FREM3: variants seen among roughly 807,000 people sequenced by gnomAD.
The protein encoded by FREM3 is FRAS1-related extracellular matrix protein 3.
A neutral mutation model predicts 129.1 loss-of-function variants in FREM3; 105 were observed. That is an observed-to-expected ratio of 0.81 (90% CI 0.69 to 0.96). The LOEUF (loss-of-function observed/expected upper bound fraction) is 0.96, where lower values mean the gene tolerates loss of function less well. Among genes scored for constraint, FREM3 ranks in the 40% least tolerant of loss-of-function variants. The probability of loss-of-function intolerance (pLI) is 0.00; values close to 1 mark genes in which losing one functional copy is unlikely to be tolerated. For synonymous variants in FREM3, 1,014 were observed against 1,044.9 expected (o/e 0.97, Z 0.57); for missense variants, 2,593 against 2,666.3 (o/e 0.97, Z 0.61).
intron 6 of FREM3, among the ~76,000 whole-genome samples, chr4:143,593,515 G>A (rs1244598298): frequency 6.6e-6 from 1 of 152,184 alleles, no homozygotes; most frequent in African/African-American, 2.4e-5. Flanking sequence ...GACCCTGTTT[G>A]CCTGGGTATC....
intron 6 of FREM3, among the ~76,000 whole-genome samples, chr4:143,609,133 A>G (rs1423625679): frequency 1.3e-5 from 2 of 152,152 alleles, no homozygotes; most frequent in Non-Finnish European, 2.9e-5. Flanking sequence ...GACCTAGCCA[A>G]GGTTACCCAG....
At chr4:143,586,792 C>G (rs1427806663) in intron 6 of FREM3, among the ~76,000 whole-genome samples, 1 of 152,192 alleles carries the variant, frequency 6.6e-6, no homozygotes. Flanking sequence ...TTAGCTGTAA[C>G]AATACCTACT....
chr4:143,679,972 A>G (rs1009362279), intron 2 of FREM3, among the ~76,000 whole-genome samples: 1 of 152,284 alleles, frequency 6.6e-6, no homozygotes, highest in Middle Eastern at 3.4e-3. Context: ...ATAAGCTAGA[A>G]TAATGTGGTT....
At chr4:143,603,972 C>G (rs1738622163) in intron 6 of FREM3, among the ~76,000 whole-genome samples, 1 of 152,110 alleles carries the variant, frequency 6.6e-6, no homozygotes, top group African/African-American at 2.4e-5. Flanking sequence ...AAATGTGATC[C>G]CCAGTGTTGG....
rs951123674 is a variant in FREM3, at chr4:143,695,560, T to C, written c.5116A>G (p.Arg1706Gly). Reference protein sequence around the residue: ...PHRLLKYKVTRGPEHGFIIKT... With the variant: ...PHRLLKYKVTGGPEHGFIIKT... Reference sequence around the variant, plus strand: ...ATAATGAAGCCATGCTCTGGTCCTCTGGTCACTTTATACTTCAGAAGCCTG... The same window carrying C: ...ATAATGAAGCCATGCTCTGGTCCTCCGGTCACTTTATACTTCAGAAGCCTG... The change falls in exon 1 of 8, where the codon AGA becomes GGA. Residue 1706 changes from arginine (R) to glycine (G), a missense_variant. Arg to Gly is a moderately radical substitution (Grantham distance 125). Coordinates refer to ENST00000329798, the MANE Select transcript of FREM3 (RefSeq NM_001168235.2). 3.9e-6 allele frequency: 6 copies of C among 1,537,340 alleles called. No individual in the cohort carries two copies. The highest frequency in any genetic ancestry group is 5.2e-6 in the Non-Finnish European group (6 of 1,146,960).
chr4:143,667,562 G>A lies in FREM3; in HGVS notation c.5275+25551C>T, dbSNP rs79832974. Among the ~76,000 whole-genome samples, 14 of 151,958 alleles carry A rather than the reference G, an allele frequency of 9.2e-5. No homozygotes were observed. The East Asian group carries it at 1.9e-3, about 21-fold the overall frequency. On this transcript the variant is annotated intron_variant, in intron 2 of 7. Coordinates refer to ENST00000329798, the MANE Select transcript of FREM3 (RefSeq NM_001168235.2). ...TCATTTTTTTTTCTCCCAGTTCCTT[G>A]CCAACTGGCACACATTCTGCTTTGT... is the stretch of plus-strand genomic sequence containing the variant.
intron 2 of FREM3, among the ~76,000 whole-genome samples, chr4:143,652,157 T>TTC (rs1739525065): frequency 2.9e-5 from 1 of 34,264 alleles, no homozygotes; most frequent in Admixed American, 3.3e-4. Context: ...TTTTTTTTTT[T>TTC]TTTTTTTTTT....
intron 2 of FREM3, among the ~76,000 whole-genome samples, chr4:143,656,340 C>T (rs902374103): frequency 6.6e-6 from 1 of 152,124 alleles, no homozygotes; most frequent in African/African-American, 2.4e-5. Flanking sequence ...AATTTATATG[C>T]ACACAGAAAC....
chr4:143,615,909 A>T (rs1738836628), intron 5 of FREM3, among the ~76,000 whole-genome samples: 1 of 152,156 alleles, frequency 6.6e-6, no homozygotes, highest in Non-Finnish European at 1.5e-5. Context: ...AGGGCACCTC[A>T]CAGAGCTGAC....
chr4:143,592,231 C>T (rs1198003413), intron 6 of FREM3, among the ~76,000 whole-genome samples: 1 of 152,112 alleles, frequency 6.6e-6, no homozygotes, highest in Non-Finnish European at 1.5e-5. Context: ...GAGCATTTAG[C>T]CCATTTACAT....
chr4:143,698,942 G>A lies in FREM3; in HGVS notation c.1734C>T (p.Thr578=), dbSNP rs2149865481. ...GCTGGTTCTCCAGCACAAAGTGGAT[G>A]GTTGAGTCCTCAGAGTCAATATCAG... ...SATDIDSEDS[T]IHFVLENQPL... Residue 578 remains threonine, a synonymous_variant, in exon 1 of 8, where the codon ACC becomes ACT. Coordinates refer to ENST00000329798, the MANE Select transcript of FREM3 (RefSeq NM_001168235.2). 6.5e-7 allele frequency: 1 copy of A among 1,537,276 alleles called. No individual in the cohort carries two copies. Among genetic ancestry groups the A allele is most frequent in the East Asian group, 2.4e-5 (1 of 40,906 alleles).
intron 2 of FREM3, among the ~76,000 whole-genome samples, chr4:143,692,413 T>C (rs1325035610): frequency 6.6e-6 from 1 of 152,170 alleles, no homozygotes; most frequent in Non-Finnish European, 1.5e-5. Flanking sequence ...ATGATTTGTA[T>C]TGAAAGAGGT....
At chr4:143,693,406 T>C (rs1015682539) in intron 1 of FREM3, among the ~76,000 whole-genome samples, 4 of 152,194 alleles carry the variant, frequency 2.6e-5, no homozygotes, top group African/African-American at 4.8e-5. Context: ...AGGTACCATC[T>C]CACCCCAGTC....
chr4:143,646,806 A>T (rs1173494002), intron 2 of FREM3, among the ~76,000 whole-genome samples: 1 of 152,234 alleles, frequency 6.6e-6, no homozygotes, highest in African/African-American at 2.4e-5. Context: ...TTCTATAAAG[A>T]TACCCAAAAA....
At chr4:143,597,855 A>T (rs1329766550) in intron 6 of FREM3, among the ~76,000 whole-genome samples, 1 of 152,240 alleles carries the variant, frequency 6.6e-6, no homozygotes, top group Admixed American at 6.5e-5. Flanking sequence ...AATACCACAT[A>T]AACTGAGTAA....
chr4:143,627,781 G>A (rs983178466), intron 2 of FREM3, 21 bp from the exon 3 acceptor site: 1 of 1,518,750 alleles, frequency 6.6e-7, no homozygotes, highest in African/African-American at 1.4e-5. Context: ...TAGGGGCAAA[G>A]GAAAAGTCAG....
chr4:143,692,126 A>C (rs1740483009), intron 2 of FREM3, among the ~76,000 whole-genome samples: 2 of 152,156 alleles, frequency 1.3e-5, no homozygotes, highest in African/African-American at 2.4e-5. Context: ...AATCAGGTGA[A>C]AGCACCTACT....
chr4:143,682,366 A>G (rs1000065034), intron 2 of FREM3, among the ~76,000 whole-genome samples: 2 of 152,184 alleles, frequency 1.3e-5, no homozygotes. Flanking sequence ...CTGGTTTGTA[A>G]CTTTGTAACT....
intron 2 of FREM3, among the ~76,000 whole-genome samples, chr4:143,665,737 G>T (rs1222600456): frequency 6.6e-6 from 1 of 152,056 alleles, no homozygotes; most frequent in Non-Finnish European, 1.5e-5. Context: ...GATACAAATT[G>T]TTTCCCCTCT....
Sources: allele counts gnomAD v4.1 joint callset (sites outside exome capture counted in the v4.1 genomes callset), GRCh38; gene constraint gnomAD v4.1.1; transcripts MANE v1.5; gene names NCBI Gene and HGNC (gene_info 2026-07-23, HGNC 2026-07-21).